The following PHF21B variants were observed in gnomAD, a reference collection of about 807,000 sequenced individuals.
The protein encoded by PHF21B is PHD finger protein 4.
PHF21B carries 22 observed loss-of-function variants against 62.2 expected under a neutral mutation model. That is an observed-to-expected ratio of 0.35 (90% CI 0.25 to 0.51). The LOEUF (loss-of-function observed/expected upper bound fraction) is 0.51, where lower values mean the gene tolerates loss of function less well. Ranked by LOEUF, PHF21B falls within the 20% of genes least tolerant of loss-of-function variation. The pLI is 0.97. For missense variants in PHF21B, 701 were observed against 707.9 expected (o/e 0.99, Z 0.11); for synonymous variants, 341 against 314.7 (o/e 1.08, Z -0.88).
chr22:44,943,193 A>G (rs569995158), intron 2 of PHF21B, among the ~76,000 whole-genome samples: 1 of 151,988 alleles, frequency 6.6e-6, no homozygotes, highest in Non-Finnish European at 1.5e-5. Context: ...CCGCTCCCCC[A>G]AGCCTGGAGA....
At chr22:44,922,118 C>A (rs952551847) in intron 2 of PHF21B, among the ~76,000 whole-genome samples, 1 of 152,172 alleles carries the variant, frequency 6.6e-6, no homozygotes, top group African/African-American at 2.4e-5. Flanking sequence ...AGAATGTTAG[C>A]AAATCAATTC....
At position 45,009,641 on chromosome 22, in the gene PHF21B, A is replaced by T; in HGVS notation, c.-92T>A. ...CGGGGGCCAGAGCGGGCGCGGGCGG[A>T]CGCGGCCTCCGGGCTGGGTTGGGGG... On this transcript the variant is annotated 5_prime_UTR_variant, in exon 1 of 13. Transcript: ENST00000313237. This position sits in a 1 kb window ranked among gnomAD's most constrained non-coding sequence, Gnocchi z 5.9. 1.5e-6 allele frequency: 2 copies of T among 1,293,180 alleles called. No homozygotes were observed. The highest frequency in any genetic ancestry group is 2.0e-6 in the Non-Finnish European group (2 of 988,474). The allele number at this position is 1,293,180 out of a possible 1,614,324, so 80.1% of individuals were successfully genotyped here. A position where few individuals can be genotyped will look rare whatever the true frequency, so the allele number is the denominator to read the frequency against.
intron 2 of PHF21B, among the ~76,000 whole-genome samples, chr22:44,942,971 C>G (rs541088528): frequency 1.0e-4 from 15 of 146,150 alleles, no homozygotes; most frequent in African/African-American, 3.5e-4. Flanking sequence ...CAGGGACCCA[C>G]AGGCGGACCC....
Position 44,958,598 on chromosome 22 carries a change from A to ATTTTTT in PHF21B, c.121-38114_121-38109dup, listed in dbSNP as rs59943293. 2.9e-3 allele frequency among the ~76,000 whole-genome samples: 221 copies of ATTTTTT among 75,902 alleles called. 20 individuals are homozygous for ATTTTTT. The highest frequency in any genetic ancestry group is 6.4e-3 in the African/African-American group (114 of 17,714). The allele number at this position is 75,902 out of a possible 152,430, so 49.8% of individuals were successfully genotyped here. A position where few individuals can be genotyped will look rare whatever the true frequency, so the allele number is the denominator to read the frequency against. ...AGCTTCATCTTCCAGCCTTCCTTTG[A>ATTTTTT]TTTTTTTTTTTTTTTTTTTTTTTTT... is the stretch of plus-strand genomic sequence containing the variant. On this transcript the variant is annotated intron_variant, in intron 2 of 12. Coordinates refer to ENST00000313237, the MANE Select transcript of PHF21B (RefSeq NM_138415.5).
chr22:44,888,319 G>A lies in PHF21B; in HGVS notation c.1039-198C>T, dbSNP rs192590070. Among the ~76,000 whole-genome samples the A allele has an allele frequency of 3.1e-4, 47 of 152,310 alleles. 1 individual carries two copies. The highest frequency in any genetic ancestry group is 2.9e-3 in the Admixed American group (44 of 15,312). ...TGGGGTCAGGCCTGGGCCCTGGGAG[G>A]AGGGGGGGCACCCACAGGGCCAGAT... On this transcript the variant is annotated intron_variant, in intron 9 of 12. Transcript: ENST00000313237.
intron 2 of PHF21B, among the ~76,000 whole-genome samples, chr22:44,951,360 C>G (rs2072190771): frequency 6.6e-6 from 1 of 152,154 alleles, no homozygotes; most frequent in South Asian, 2.1e-4. Context: ...GCTAATCTGA[C>G]AGGAGGCGGA....
chr22:44,978,792 G>A (rs974031348), intron 2 of PHF21B, among the ~76,000 whole-genome samples: 2 of 152,172 alleles, frequency 1.3e-5, no homozygotes, highest in African/African-American at 2.4e-5. Flanking sequence ...CAATCTCCTG[G>A]CTCCCATAGG....
At chr22:44,996,482 C>G (rs919523051) in intron 2 of PHF21B, among the ~76,000 whole-genome samples, 3 of 152,052 alleles carry the variant, frequency 2.0e-5, no homozygotes, top group Admixed American at 1.3e-4. Context: ...CAGCTTTCAC[C>G]TAACTTTCAA....
chr22:44,936,184 C>T (rs186182126), intron 2 of PHF21B, among the ~76,000 whole-genome samples: 10 of 152,366 alleles, frequency 6.6e-5, no homozygotes, highest in Admixed American at 5.2e-4. Flanking sequence ...GCCAAGCCCC[C>T]TCCCGGGAGA....
chr22:45,009,131 CG>C lies in PHF21B; in HGVS notation c.54+364del. The stretch of plus-strand genomic sequence containing the variant: ...ACACCGGGCAGGTTCGCCCGGGGCG[CG>C]GGGGCCCGAGGGGAGGCCGGAAGGG... On this transcript the variant is annotated intron_variant, in intron 1 of 12. Transcript: ENST00000313237. The surrounding 1 kb of genome is among the most constrained non-coding windows in gnomAD (Gnocchi z 5.9). 2.6e-6 allele frequency: 2 copies of C among 774,124 alleles called. No individual in the cohort carries two copies. Among genetic ancestry groups the C allele is most frequent in the Non-Finnish European group, 1.7e-6 (1 of 587,120 alleles). 48.0% of individuals were successfully genotyped at this position (774,124 alleles called of 1,614,324 possible).
intron 3 of PHF21B, among the ~76,000 whole-genome samples, chr22:44,918,441 G>A (rs1405160510): frequency 2.0e-5 from 3 of 152,228 alleles, no homozygotes; most frequent in Non-Finnish European, 4.4e-5. Context: ...ACCCCACAGA[G>A]AACACCTTCA....
At chr22:44,932,994 C>T (rs1242881880) in intron 2 of PHF21B, among the ~76,000 whole-genome samples, 2 of 152,258 alleles carry the variant, frequency 1.3e-5, no homozygotes, top group African/African-American at 4.8e-5. Context: ...TCAAAGGGGG[C>T]CCCGCATTCT....
intron 2 of PHF21B, among the ~76,000 whole-genome samples, chr22:44,938,703 A>G (rs985244734): frequency 8.5e-5 from 13 of 152,202 alleles, no homozygotes; most frequent in Admixed American, 6.5e-5. Flanking sequence ...TTCATCTGGA[A>G]TGGAATCAAT....
At chr22:45,004,232 T>C (rs2073272203) in intron 2 of PHF21B, among the ~76,000 whole-genome samples, 1 of 152,228 alleles carries the variant, frequency 6.6e-6, no homozygotes, top group East Asian at 1.9e-4. Flanking sequence ...AGTAAGTCTA[T>C]GTAAAATATA....
In PHF21B at chr22:44,917,860, G is replaced by A. The variant is rs539021495; in HGVS notation, c.214-1230C>T. 2.6e-5 allele frequency among the ~76,000 whole-genome samples: 4 copies of A among 152,324 alleles called. No homozygotes were observed. The South Asian group carries it at 8.3e-4, about 32-fold the overall frequency. ...GTGCTCTTCAGTTGGACAGTATCAC[G>A]TCTGTCAGCTCCTCACCAGTGCCTG... On this transcript the variant is annotated intron_variant, in intron 3 of 12. Transcript: ENST00000313237.
chr22:44,935,791 G>C (rs1365816064), intron 2 of PHF21B, among the ~76,000 whole-genome samples: 1 of 152,164 alleles, frequency 6.6e-6, no homozygotes, highest in Non-Finnish European at 1.5e-5. Flanking sequence ...TGGAGATGTT[G>C]ATGCCAGCTT....
chr22:44,895,408 G>A (rs1457909195), intron 6 of PHF21B, among the ~76,000 whole-genome samples: 1 of 152,236 alleles, frequency 6.6e-6, no homozygotes. Context: ...CCTTCGTAGA[G>A]TCACAGTGCC....
At chr22:44,947,321 G>A (rs924665420) in intron 2 of PHF21B, among the ~76,000 whole-genome samples, 4 of 152,164 alleles carry the variant, frequency 2.6e-5, no homozygotes, top group Admixed American at 1.3e-4. Context: ...AAATGATCTC[G>A]CAAGGCAGGG....
chr22:44,963,753 T>C (rs571828239), intron 2 of PHF21B, among the ~76,000 whole-genome samples: 2 of 152,296 alleles, frequency 1.3e-5, no homozygotes, highest in East Asian at 3.9e-4. Context: ...TCAGGTGACA[T>C]CTGAAGGACA....
Sources: allele counts gnomAD v4.1 joint callset (sites outside exome capture counted in the v4.1 genomes callset), GRCh38; gene constraint gnomAD v4.1.1; non-coding constraint Gnocchi (gnomAD v3.1); transcripts MANE v1.5; gene names NCBI Gene and HGNC (gene_info 2026-07-23, HGNC 2026-07-21).